Variants in MACC1 observed in about 807,000 individuals in gnomAD.
MACC1 encodes the protein MET transcriptional regulator MACC1.
A neutral mutation model predicts 70.7 loss-of-function variants in MACC1; 79 were observed. That is an observed-to-expected ratio of 1.12 (90% CI 0.93 to 1.35). The LOEUF (loss-of-function observed/expected upper bound fraction) is 1.35. MACC1 is among the 40% of genes most tolerant of loss of function. The pLI, the probability that MACC1 is intolerant of heterozygous loss-of-function variation, is 0.00. For synonymous variants in MACC1, 361 were observed against 347.2 expected, an observed-to-expected ratio of 1.04 and a Z score of -0.44; for missense variants, 1,106 against 978.1, an observed-to-expected ratio of 1.13 and a Z score of -1.74.
intron 6 of MACC1, among the ~76,000 whole-genome samples, chr7:20,145,380 A>C (rs1781874900): frequency 6.6e-6 from 1 of 152,204 alleles, no homozygotes; most frequent in African/African-American, 2.4e-5. Flanking sequence ...AATGGAAGAC[A>C]CCAAACAAAT....
rs760211023 is a variant in MACC1, at chr7:20,181,088, G to GTT, written c.-217-10311_-217-10310insAA. On this transcript the variant is annotated intron_variant, in intron 1 of 6. Coordinates refer to ENST00000400331, the MANE Select transcript of MACC1 (RefSeq NM_182762.4). ...CTAAGGATGTATGTGCTCTGTGTGTGTGTGTGTGTGTGTGTGTGTATAATT... is the reference window on the plus strand; with the variant it reads ...CTAAGGATGTATGTGCTCTGTGTGTGTTTGTGTGTGTGTGTGTGTGTATAATT... 2.8e-3 allele frequency among the ~76,000 whole-genome samples: 421 copies of GTT among 151,918 alleles called. 1 individual carries two copies. Among genetic ancestry groups the GTT allele is most frequent in the Non-Finnish European group, 4.9e-3 (332 of 67,896 alleles).
At chr7:20,190,005 T>G (rs1016291644) in intron 1 of MACC1, among the ~76,000 whole-genome samples, 1 of 152,192 alleles carries the variant, frequency 6.6e-6, no homozygotes, top group Admixed American at 6.5e-5. Flanking sequence ...GAAAACTCTG[T>G]GTCCTCTTCT....
chr7:20,210,416 T>G (rs192563157), intron 1 of MACC1, among the ~76,000 whole-genome samples: 2 of 152,358 alleles, frequency 1.3e-5, no homozygotes, highest in East Asian at 1.9e-4. Context: ...GTTTTATGTA[T>G]GTATTTGTCA....
rs1158071060 is a variant in MACC1, at chr7:20,138,266, C to T, written c.*2680G>A. ...GAACCATTGTTTCATCCTCAAATTA[C>T]AGAGATCTTGTTTTTCATTTTTTTA... On this transcript the variant is annotated 3_prime_UTR_variant, in exon 7 of 7. Transcript: ENST00000400331. The T allele has an allele frequency of 6.7e-6, 1 of 150,274 alleles. No individual in the cohort carries two copies. The highest frequency in any genetic ancestry group is 2.4e-5 in the African/African-American group (1 of 40,970). The allele number at this position is 150,274 out of a possible 1,614,324, so 9.3% of individuals were successfully genotyped here.
intron 1 of MACC1, among the ~76,000 whole-genome samples, chr7:20,186,706 G>A (rs943067657): frequency 1.3e-5 from 2 of 151,754 alleles, no homozygotes; most frequent in African/African-American, 4.8e-5. Context: ...ATTCCTTAGG[G>A]AATATAAATA....
At chr7:20,154,061 T>G (rs1005537963) in intron 6 of MACC1, 132 bp downstream of exon 6, 1 of 823,704 alleles carries the variant, frequency 1.2e-6, no homozygotes, top group African/African-American at 1.7e-5. Context: ...GAGTTACTAG[T>G]GCAGTGATTC....
intron 2 of MACC1, among the ~76,000 whole-genome samples, chr7:20,167,352 C>A (rs150001208): frequency 1.3e-5 from 2 of 151,774 alleles, no homozygotes; most frequent in Non-Finnish European, 2.9e-5. Flanking sequence ...CATGCCACCA[C>A]GCCCAGCTAA....
chr7:20,186,038 G>A (rs1319159863), intron 1 of MACC1, among the ~76,000 whole-genome samples: 2 of 115,840 alleles, frequency 1.7e-5, no homozygotes, highest in Non-Finnish European at 3.5e-5. Context: ...AATGTAGAAA[G>A]CCTTGAGTAG....
intron 1 of MACC1, among the ~76,000 whole-genome samples, chr7:20,179,703 T>G (rs920371903): frequency 2.0e-5 from 3 of 152,190 alleles, no homozygotes; most frequent in Non-Finnish European, 4.4e-5. Context: ...TGTTTTTTGT[T>G]TTCAAAAGGC....
intron 1 of MACC1, among the ~76,000 whole-genome samples, chr7:20,178,253 A>T (rs531461063): frequency 1.7e-5 from 2 of 120,772 alleles, no homozygotes; most frequent in South Asian, 6.2e-4. Flanking sequence ...CAGAATGTTA[A>T]TCTTATTTCA....
intron 1 of MACC1, among the ~76,000 whole-genome samples, chr7:20,192,791 G>A (rs1414971138): frequency 6.6e-6 from 1 of 152,200 alleles, no homozygotes; most frequent in Non-Finnish European, 1.5e-5. Flanking sequence ...ATTAAGTTGT[G>A]CTACACTTGC....
At chr7:20,186,589 G>A (rs1782591794) in intron 1 of MACC1, among the ~76,000 whole-genome samples, 1 of 151,878 alleles carries the variant, frequency 6.6e-6, no homozygotes, top group Non-Finnish European at 1.5e-5. Context: ...AAAATACTAT[G>A]TGGAAACTGT....
chr7:20,183,460 A>T (rs571328580), intron 1 of MACC1, among the ~76,000 whole-genome samples: 91 of 152,318 alleles, frequency 6.0e-4, no homozygotes, highest in African/African-American at 2.2e-3. Context: ...CCTTCAGCAG[A>T]GGGCCAAGCT....
At position 20,135,482 on chromosome 7, in the gene MACC1, G is replaced by C. The variant is rs1359705011; in HGVS notation, c.*5464C>G. The C allele has an allele frequency of 6.6e-6, 1 of 152,144 alleles. No individual in the cohort carries two copies. The highest frequency in any genetic ancestry group is 1.5e-5 in the Non-Finnish European group (1 of 68,034). 9.4% of individuals were successfully genotyped at this position (152,144 alleles called of 1,614,324 possible). A position where few individuals can be genotyped will look rare whatever the true frequency, so the allele number is the denominator to read the frequency against. Reference sequence around the variant, plus strand: ...TATAAAAAATCTTTCCATTTCTATAGAGATGAAGGAAATTTTAATACAGTG... The same window carrying C: ...TATAAAAAATCTTTCCATTTCTATACAGATGAAGGAAATTTTAATACAGTG... On this transcript the variant is annotated 3_prime_UTR_variant, in exon 7 of 7. Coordinates refer to ENST00000400331, the MANE Select transcript of MACC1 (RefSeq NM_182762.4).
intron 1 of MACC1, among the ~76,000 whole-genome samples, chr7:20,204,966 T>C (rs561458132): frequency 1.3e-5 from 2 of 152,344 alleles, no homozygotes; most frequent in South Asian, 2.1e-4. Flanking sequence ...TTTAAGGATC[T>C]ATAATTAAAT....
At chr7:20,165,491 T>A (rs1782202354) in intron 2 of MACC1, among the ~76,000 whole-genome samples, 1 of 151,138 alleles carries the variant, frequency 6.6e-6, no homozygotes, top group Non-Finnish European at 1.5e-5. Context: ...AGTACCATCC[T>A]AAATCTAAAT....
rs749543246 is a variant in MACC1, at chr7:20,154,283, T to C, written c.2256A>G (p.Glu752=). 1.9e-6 allele frequency: 3 copies of C among 1,613,824 alleles called. No individual in the cohort carries two copies. The African/African-American group carries it at 4.0e-5, about 22-fold the overall frequency. The part of the protein sequence containing the change: ...SAVKLGKGWR[E]LAEKLVRLTK... ...TGAGTCGTACTAACTTTTCAGCTAG[T>C]TCCCTCCAGCCTTTTCCAAGCTTGA... Residue 752 remains glutamate, a synonymous_variant, in exon 6 of 7, where the codon GAA becomes GAG. Coordinates refer to ENST00000400331, the MANE Select transcript of MACC1 (RefSeq NM_182762.4).
chr7:20,146,306 A>G (rs75704911), intron 6 of MACC1, among the ~76,000 whole-genome samples: 11,107 of 152,128 alleles, frequency 0.073, 1,342 homozygotes, highest in African/African-American at 0.25. Context: ...TTCTAAAGGT[A>G]CTTTTATTTT....
chr7:20,208,939 C>G (rs1039123675), intron 1 of MACC1, among the ~76,000 whole-genome samples: 1 of 152,222 alleles, frequency 6.6e-6, no homozygotes. Flanking sequence ...CAAGGTACAG[C>G]TCAGGTCATT....
Sources: gnomAD v4.1 joint callset for allele counts (sites outside exome capture counted in the v4.1 genomes callset) on GRCh38, gnomAD v4.1.1 for gene constraint, MANE v1.5 for transcripts, NCBI Gene and HGNC (gene_info 2026-07-23, HGNC 2026-07-21) for gene names.